Variants in RIC1 observed in about 807,000 individuals in gnomAD.
The protein encoded by RIC1 is RIC1 partner of RAB6A GEF complex.
In RIC1, 88 loss-of-function variants were observed where a neutral mutation model predicts 169.0. That is an observed-to-expected ratio of 0.52 (90% CI 0.44 to 0.62). The LOEUF (loss-of-function observed/expected upper bound fraction) is 0.62. Among genes scored for constraint, RIC1 ranks in the 20% least tolerant of loss-of-function variants. The pLI is 0.00. For missense variants in RIC1, 1,877 were observed against 1,725.5 expected, an observed-to-expected ratio of 1.09 and a Z score of -1.56; for synonymous variants, 790 against 601.5, an observed-to-expected ratio of 1.31 and a Z score of -4.59.
intron 6 of RIC1, among the ~76,000 whole-genome samples, chr9:5,721,365 A>G (rs1270836294): frequency 1.3e-5 from 2 of 152,198 alleles, no homozygotes; most frequent in African/African-American, 4.8e-5. Context: ...ATTTATTAAA[A>G]GCAAGCTCTC....
chr9:5,636,540 G>A (rs1394792091), intron 1 of RIC1, among the ~76,000 whole-genome samples: 3 of 152,006 alleles, frequency 2.0e-5, no homozygotes, highest in East Asian at 1.9e-4. Context: ...GGCTGGTATC[G>A]ATTCCTGACC....
chr9:5,773,486 C>T (rs1350282373), intron 25 of RIC1, among the ~76,000 whole-genome samples: 1 of 152,164 alleles, frequency 6.6e-6, no homozygotes, highest in African/African-American at 2.4e-5. Context: ...CAGTTACAAG[C>T]AAATCCAAAT....
rs184802981 is a variant in RIC1 at position 5,772,432 on chromosome 9, T to A, written c.3617-132T>A. Reference sequence around the variant, plus strand: ...GTTTTCTATGTTCACATGGTAATTTTAGCCATGGATTTCATGTTTTAGTTT... The same window carrying A: ...GTTTTCTATGTTCACATGGTAATTTAAGCCATGGATTTCATGTTTTAGTTT... On this transcript the variant is annotated intron_variant, in intron 23 of 25. Transcript: ENST00000414202. The A allele has an allele frequency of 5.6e-4, 373 of 668,240 alleles. No individual in the cohort carries two copies. The African/African-American group carries it at 5.9e-3, about 10-fold the overall frequency. 41.4% of individuals were successfully genotyped at this position (668,240 alleles called of 1,614,324 possible).
intron 8 of RIC1, among the ~76,000 whole-genome samples, chr9:5,740,395 A>G (rs1825007133): frequency 6.6e-6 from 1 of 152,104 alleles, no homozygotes; most frequent in South Asian, 2.1e-4. Context: ...CTGTACCTCT[A>G]GAATCACTCC....
chr9:5,655,033 A>C (rs1446469676), intron 1 of RIC1, among the ~76,000 whole-genome samples: 1 of 152,106 alleles, frequency 6.6e-6, no homozygotes, highest in African/African-American at 2.4e-5. Context: ...ATGAGTAAAG[A>C]CAGTTTTATT....
At position 5,756,195 on chromosome 9, in the gene RIC1, A is replaced by T. The variant is rs1192790552; in HGVS notation, c.1693-17A>T. ...TTATCTTGTTTTTATAATTTTCTTC[A>T]TTTTTGTTTTCTTCAGCTTAGAGTA... On this transcript the variant is annotated splice_polypyrimidine_tract_variant and intron_variant, in intron 15 of 25. Transcript: ENST00000414202. 1.3e-6 allele frequency: 2 copies of T among 1,482,058 alleles called. No individual in the cohort carries two copies. Among genetic ancestry groups the T allele is most frequent in the Non-Finnish European group, 1.8e-6 (2 of 1,104,750 alleles). The allele number at this position is 1,482,058 out of a possible 1,614,324, so 91.8% of individuals were successfully genotyped here.
intron 11 of RIC1, 75 bp from the exon 12 acceptor site, chr9:5,747,227 T>A: frequency 1.8e-6 from 2 of 1,108,144 alleles, no homozygotes; most frequent in Non-Finnish European, 2.7e-6. Context: ...GATGTGTTAT[T>A]TTTGCCTGCG....
At chr9:5,635,653 A>G (rs760043402) in intron 1 of RIC1, among the ~76,000 whole-genome samples, 4 of 152,082 alleles carry the variant, frequency 2.6e-5, no homozygotes, top group Admixed American at 6.5e-5. Flanking sequence ...TTCATCTCTA[A>G]TCGTAATCCT....
intron 17 of RIC1, among the ~76,000 whole-genome samples, chr9:5,760,293 T>A (rs372431537): frequency 2.0e-5 from 3 of 152,324 alleles, no homozygotes; most frequent in East Asian, 3.9e-4. Flanking sequence ...GCCCTTGCTT[T>A]TTCTGAAAGC....
intron 1 of RIC1, among the ~76,000 whole-genome samples, chr9:5,640,580 G>T (rs1818191495): frequency 6.6e-6 from 1 of 152,118 alleles, no homozygotes; most frequent in African/African-American, 2.4e-5. Flanking sequence ...TCATTGTTAG[G>T]TTATTTATTT....
chr9:5,762,456 C>T lies in RIC1; in HGVS notation c.1993-85C>T. ...TCAATAAATAATGTAGATTGTTTGA[C>T]CTATAAACCTTATGGATTGGGGGGA... On this transcript the variant is annotated intron_variant, in intron 17 of 25. Coordinates refer to ENST00000414202, the MANE Select transcript of RIC1 (RefSeq NM_020829.4). The T allele has an allele frequency of 6.0e-6, 9 of 1,496,038 alleles. No homozygotes were observed. In the Admixed American group the frequency reaches 1.2e-4, roughly 21 times the overall value. 92.7% of individuals were successfully genotyped at this position (1,496,038 alleles called of 1,614,324 possible). A position where few individuals can be genotyped will look rare whatever the true frequency, so the allele number is the denominator to read the frequency against.
chr9:5,768,909 T>G (rs781534785), intron 21 of RIC1, 61 bp from the exon 22 acceptor site: 26 of 1,516,896 alleles, frequency 1.7e-5, no homozygotes, highest in Non-Finnish European at 2.1e-5. Flanking sequence ...CTCTGCGTAA[T>G]AAGGATGTGA....
In RIC1 at chr9:5,747,350, A is replaced by G; in HGVS notation, c.1297A>G (p.Asn433Asp). 1 of 1,614,062 alleles carries G rather than the reference A, an allele frequency of 6.2e-7. No individual in the cohort carries two copies. The highest frequency in any genetic ancestry group is 8.5e-7 in the Non-Finnish European group (1 of 1,179,968). Residue 433 changes from asparagine to aspartate, a missense_variant, in exon 12 of 26, where the codon AAC becomes GAC. By Grantham distance (23) the Asn-to-Asp change is conservative. Around this residue, in one of 3 missense-constraint regions of RIC1, gnomAD observed 1,104 missense variants for 992.0 expected, o/e 1.11. Coordinates refer to ENST00000414202, the MANE Select transcript of RIC1 (RefSeq NM_020829.4). ...TCAGGGTGAGGATCGCTTGTACTTG[A>G]ACTGTGGAGAGGCTTCACAAACCCA... ...LLQGEDRLYL[N>D]CGEASQTQNP...
chr9:5,773,480 T>A (rs909371284), intron 25 of RIC1, among the ~76,000 whole-genome samples: 3 of 152,208 alleles, frequency 2.0e-5, no homozygotes, highest in African/African-American at 7.2e-5. Context: ...CCATGGCAGT[T>A]ACAAGCAAAT....
chr9:5,751,561 G>T (rs1036969647), intron 12 of RIC1, among the ~76,000 whole-genome samples: 2 of 151,804 alleles, frequency 1.3e-5, no homozygotes, highest in African/African-American at 4.9e-5. Flanking sequence ...CACCATGCTG[G>T]CCGGGCTGGT....
chr9:5,770,260 T>C lies in RIC1; in HGVS notation c.3598T>C (p.Ser1200Pro). 6.2e-7 allele frequency: 1 copy of C among 1,612,926 alleles called. No individual in the cohort carries two copies. The highest frequency in any genetic ancestry group is 8.5e-7 in the Non-Finnish European group (1 of 1,179,484). ...HGPQMQDAFL[S>P]PLSNKGDECS... ...ACCACAAATGCAAGATGCCTTCTTG[T>C]CACCTTTATCTAATAAAGGTAAATG... The change falls in exon 23 of 26, where the codon TCA becomes CCA. Residue 1200 changes from serine (S) to proline (P), a missense_variant. Physicochemically the swap from Ser to Pro is moderately conservative, Grantham distance 74 (BLOSUM62 -1). This residue lies in a region of RIC1 where 681 missense variants were observed against 582.0 expected (regional missense o/e 1.17). Transcript: ENST00000414202.
In RIC1 at chr9:5,720,421, T is replaced by C. The variant is rs535504086; in HGVS notation, c.583+97T>C. ...ATGAACACTTCTTTGGAATTACTTA[T>C]GCAAGGGGAGAGGTGGGCAGAGTAT... On this transcript the variant is annotated intron_variant, in intron 5 of 25. Transcript: ENST00000414202. The C allele has an allele frequency of 2.7e-5, 36 of 1,317,166 alleles. No homozygotes were observed. In the African/African-American group the frequency reaches 3.7e-4, roughly 13 times the overall value. 81.6% of individuals were successfully genotyped at this position (1,317,166 alleles called of 1,614,324 possible).
intron 7 of RIC1, among the ~76,000 whole-genome samples, chr9:5,736,965 T>C (rs1260359557): frequency 2.1e-5 from 3 of 142,528 alleles, no homozygotes; most frequent in Non-Finnish European, 4.5e-5. Flanking sequence ...GAAGAAACCA[T>C]CTGATTTCTC....
intron 2 of RIC1, among the ~76,000 whole-genome samples, chr9:5,674,557 G>A (rs1353787622): frequency 6.6e-6 from 1 of 152,194 alleles, no homozygotes; most frequent in Non-Finnish European, 1.5e-5. Flanking sequence ...GCCCAGTCAT[G>A]CAAGAAACTG....
Sources: gnomAD v4.1 joint callset for allele counts (sites outside exome capture counted in the v4.1 genomes callset) on GRCh38, gnomAD v4.1.1 for gene constraint, gnomAD v4.1.1 regional missense constraint, MANE v1.5 for transcripts, NCBI Gene and HGNC (gene_info 2026-07-23, HGNC 2026-07-21) for gene names.